The following ZNG1B variants were observed in gnomAD, a reference collection of about 807,000 sequenced individuals.
ZNG1B encodes the protein zinc-regulated GTPase metalloprotein activator 1B.
At chr2:113,471,530 G>A in the ZNG1B span, among the ~76,000 whole-genome samples, 1 of 151,032 alleles carries the variant, frequency 6.6e-6, no homozygotes, top group Non-Finnish European at 1.5e-5. Context: ...TGTGCACAAT[G>A]TGCAGGTTAG....
At chr2:113,478,847 A>G in the ZNG1B span, among the ~76,000 whole-genome samples, 3 of 151,528 alleles carry the variant, frequency 2.0e-5, no homozygotes, top group Non-Finnish European at 4.4e-5. Flanking sequence ...TTCAGCAGCC[A>G]GAAGTGTGGG....
chr2:113,467,092 C>T, the ZNG1B span, among the ~76,000 whole-genome samples: 27 of 150,594 alleles, frequency 1.8e-4, no homozygotes, highest in South Asian at 2.1e-3. Flanking sequence ...ACAAAAAAAC[C>T]GGAGATTTGG....
the ZNG1B span, among the ~76,000 whole-genome samples, chr2:113,467,911 C>G: frequency 2.5e-4 from 35 of 140,340 alleles, no homozygotes; most frequent in Admixed American, 2.2e-3. Flanking sequence ...AGAGAACTTA[C>G]CACAAAGGGT....
the ZNG1B span, among the ~76,000 whole-genome samples, chr2:113,446,295 A>G: frequency 6.6e-6 from 1 of 152,130 alleles, no homozygotes; most frequent in Non-Finnish European, 1.5e-5. Flanking sequence ...TTTTATACAA[A>G]TTGTAGTTAT....
At chr2:113,487,129 G>A in the ZNG1B span, among the ~76,000 whole-genome samples, 4 of 152,164 alleles carry the variant, frequency 2.6e-5, no homozygotes, top group African/African-American at 9.7e-5. Context: ...AGATTACGAT[G>A]GAGCTGAAAA....
At chr2:113,461,230 TAA>T in the ZNG1B span, among the ~76,000 whole-genome samples, 142 of 148,246 alleles carry the variant, frequency 9.6e-4, no homozygotes, top group African/African-American at 3.4e-3. Context: ...CATTTTTTTT[TAA>T]ATTTTTTTAT....
the ZNG1B span, among the ~76,000 whole-genome samples, chr2:113,472,313 C>T: frequency 2.0e-5 from 3 of 152,034 alleles, no homozygotes; most frequent in Non-Finnish European, 4.4e-5. Context: ...TGTCCTTCAC[C>T]CACTTTTTGA....
the ZNG1B span, among the ~76,000 whole-genome samples, chr2:113,442,393 G>T: frequency 6.6e-5 from 10 of 152,134 alleles, no homozygotes; most frequent in East Asian, 1.9e-3. Flanking sequence ...TCTATTAAAT[G>T]ATTTCTTTTA....
the ZNG1B span, among the ~76,000 whole-genome samples, chr2:113,472,963 A>T: frequency 6.6e-6 from 1 of 150,872 alleles, no homozygotes; most frequent in Admixed American, 6.6e-5. Context: ...TGACTTGGCG[A>T]TGCGGGCTCT....
chr2:113,438,207 GC>G, the ZNG1B span, among the ~76,000 whole-genome samples: 1 of 152,064 alleles, frequency 6.6e-6, no homozygotes, highest in Non-Finnish European at 1.5e-5. Flanking sequence ...ATGATGCCCG[GC>G]CCCCTCTGCG....
At chr2:113,496,107 A>AT in the ZNG1B span, 4 of 131,774 alleles carry the variant, frequency 3.0e-5, no homozygotes, top group Non-Finnish European at 4.9e-5. Flanking sequence ...TTGTTATTAA[A>AT]TTTTTTTAAC....
At chr2:113,463,535 G>A in the ZNG1B span, among the ~76,000 whole-genome samples, 33,680 of 151,998 alleles carry the variant, frequency 0.22, 4,154 homozygotes, top group East Asian at 0.53. Context: ...TATTTTAATA[G>A]TAATGTCCTT....
the ZNG1B span, among the ~76,000 whole-genome samples, chr2:113,450,094 A>T: frequency 6.6e-6 from 1 of 150,470 alleles, no homozygotes; most frequent in African/African-American, 2.4e-5. Flanking sequence ...AATGCCTGAG[A>T]GTTTTCTTCT....
At chr2:113,479,963 A>G in the ZNG1B span, among the ~76,000 whole-genome samples, 101 of 152,092 alleles carry the variant, frequency 6.6e-4, no homozygotes, top group African/African-American at 2.3e-3. Flanking sequence ...CTGGGACTAT[A>G]GGCACACACT....
chr2:113,471,152 G>A, the ZNG1B span: 8 of 1,184,762 alleles, frequency 6.8e-6, no homozygotes, highest in East Asian at 1.9e-4. Context: ...TAGTTAACAG[G>A]AATGATTTGC....
At chr2:113,484,923 C>A in the ZNG1B span, among the ~76,000 whole-genome samples, 1 of 151,986 alleles carries the variant, frequency 6.6e-6, no homozygotes. Flanking sequence ...CTTCGGCCTC[C>A]CAAAGTGCTG....
At chr2:113,473,649 G>A in the ZNG1B span, among the ~76,000 whole-genome samples, 1 of 149,348 alleles carries the variant, frequency 6.7e-6, no homozygotes, top group African/African-American at 2.5e-5. Flanking sequence ...TTATTATTTT[G>A]AAATACGTCC....
the ZNG1B span, among the ~76,000 whole-genome samples, chr2:113,477,261 G>A: frequency 3.9e-4 from 59 of 152,154 alleles, no homozygotes; most frequent in Admixed American, 2.9e-3. Context: ...GCAGTATTCG[G>A]GTGGGAGTGA....
the ZNG1B span, among the ~76,000 whole-genome samples, chr2:113,477,042 C>T: frequency 6.6e-6 from 1 of 152,194 alleles, no homozygotes; most frequent in African/African-American, 2.4e-5. Flanking sequence ...GTGGTGGGCT[C>T]CACCCAGTTG....
Sources: gnomAD v4.1 joint callset for allele counts (sites outside exome capture counted in the v4.1 genomes callset) on GRCh38, gnomAD v4.1.1 for gene constraint, MANE v1.5 for transcripts, NCBI Gene and HGNC (gene_info 2026-07-23, HGNC 2026-07-21) for gene names.